Variants in UBE3D observed in about 807,000 individuals in gnomAD.
The protein encoded by UBE3D is E3 ubiquitin-protein ligase E3D.
A neutral mutation model predicts 49.6 loss-of-function variants in UBE3D; 48 were observed. The observed-to-expected ratio is 0.97, with a 90% CI of 0.77 to 1.23. The LOEUF (loss-of-function observed/expected upper bound fraction) is 1.23. Among genes scored for constraint, UBE3D ranks in the 50% most tolerant of loss-of-function variants. UBE3D has a pLI of 0.00. For missense variants in UBE3D, 452 were observed against 468.4 expected (o/e 0.96, Z 0.32); for synonymous variants, 189 against 174.2 (o/e 1.08, Z -0.67).
intron 3 of UBE3D, among the ~76,000 whole-genome samples, chr6:83,050,246 T>TAAA: frequency 6.8e-6 from 1 of 146,596 alleles, no homozygotes; most frequent in Non-Finnish European, 1.5e-5. Context: ...CTTTTTTATT[T>TAAA]AAAAAAAAAA....
chr6:82,931,324 A>G (rs911885624), intron 9 of UBE3D, among the ~76,000 whole-genome samples: 1 of 152,210 alleles, frequency 6.6e-6, no homozygotes, highest in Non-Finnish European at 1.5e-5. Flanking sequence ...GTGGGGTCGG[A>G]GCCCCGACCC....
intron 8 of UBE3D, among the ~76,000 whole-genome samples, chr6:82,958,980 T>C (rs193153246): frequency 6.6e-6 from 1 of 152,098 alleles, no homozygotes; most frequent in East Asian, 1.9e-4. Context: ...GGTGTGGGCG[T>C]CTGTAAAACA....
At chr6:82,967,761 C>A (rs1259436301) in intron 8 of UBE3D, among the ~76,000 whole-genome samples, 2 of 151,798 alleles carry the variant, frequency 1.3e-5, no homozygotes, top group African/African-American at 4.8e-5. Flanking sequence ...CCCACCTTAA[C>A]CTCCTGAGAA....
chr6:83,048,293 T>C (rs931273396), intron 3 of UBE3D, among the ~76,000 whole-genome samples: 4 of 151,694 alleles, frequency 2.6e-5, no homozygotes, highest in East Asian at 1.9e-4. Flanking sequence ...GTAGGAAGCA[T>C]TACAGAATTT....
At chr6:83,060,479 T>C (rs756129770) in intron 1 of UBE3D, among the ~76,000 whole-genome samples, 4 of 152,230 alleles carry the variant, frequency 2.6e-5, no homozygotes, top group Admixed American at 6.5e-5. Flanking sequence ...AATGCATGTA[T>C]GTACATAGGT....
Position 82,900,387 on chromosome 6 carries a change from C to T in UBE3D, c.1150-7345G>A, listed in dbSNP as rs368078421. 3.3e-5 allele frequency among the ~76,000 whole-genome samples: 5 copies of T among 152,240 alleles called. No homozygotes were observed. The East Asian group carries it at 9.6e-4, about 29-fold the overall frequency. On this transcript the variant is annotated intron_variant, in intron 9 of 9. Coordinates refer to ENST00000369747, the MANE Select transcript of UBE3D (RefSeq NM_198920.3). ...GGCTGGTGAAGAAATGGTATGCTTA[C>T]AATATCAGTACAACTGGAAATCCTA... is the stretch of plus-strand genomic sequence containing the variant.
chr6:82,972,591 T>C (rs1386557903), intron 8 of UBE3D, among the ~76,000 whole-genome samples: 1 of 152,302 alleles, frequency 6.6e-6, no homozygotes, highest in East Asian at 1.9e-4. Context: ...AATAATCATA[T>C]AAAAATATAA....
chr6:83,047,525 A>C (rs891270947), intron 3 of UBE3D, among the ~76,000 whole-genome samples: 2 of 151,704 alleles, frequency 1.3e-5, no homozygotes, highest in Admixed American at 1.3e-4. Context: ...GGGAGACAAC[A>C]GTCCCCAGAA....
chr6:83,063,412 TAAAAAAAAAAAAAA>T (rs201669450), intron 1 of UBE3D, among the ~76,000 whole-genome samples: 5 of 45,496 alleles, frequency 1.1e-4, no homozygotes, highest in Admixed American at 2.6e-4. Context: ...AGACGCTGTC[TAAAAAAAAAAAAAA>T]AAAAAAAAAA....
chr6:83,016,619 A>G (rs1780716210), intron 8 of UBE3D, among the ~76,000 whole-genome samples: 2 of 151,694 alleles, frequency 1.3e-5, no homozygotes, highest in African/African-American at 2.4e-5. Flanking sequence ...ATATATATGT[A>G]AATCTTTATA....
At chr6:82,929,261 T>G (rs901021319) in intron 9 of UBE3D, among the ~76,000 whole-genome samples, 1 of 152,080 alleles carries the variant, frequency 6.6e-6, no homozygotes, top group Non-Finnish European at 1.5e-5. Flanking sequence ...CTGATGGAGA[T>G]CAACACTGAC....
At chr6:83,041,183 G>C (rs1782646035) in intron 4 of UBE3D, among the ~76,000 whole-genome samples, 1 of 152,170 alleles carries the variant, frequency 6.6e-6, no homozygotes, top group African/African-American at 2.4e-5. Context: ...ATTTGAAGCA[G>C]AAAATTTTTT....
chr6:82,904,565 C>T (rs1281675919), intron 9 of UBE3D, among the ~76,000 whole-genome samples: 1 of 152,194 alleles, frequency 6.6e-6, no homozygotes, highest in Non-Finnish European at 1.5e-5. Context: ...ACATAAATGG[C>T]CTGGCAGGCC....
At chr6:82,961,125 G>C (rs1776518627) in intron 8 of UBE3D, among the ~76,000 whole-genome samples, 1 of 152,134 alleles carries the variant, frequency 6.6e-6, no homozygotes, top group South Asian at 2.1e-4. Context: ...TACCACGGTA[G>C]AAAGCATCTC....
intron 9 of UBE3D, among the ~76,000 whole-genome samples, chr6:82,940,859 A>G (rs1414634133): frequency 6.6e-6 from 1 of 152,116 alleles, no homozygotes; most frequent in East Asian, 1.9e-4. Context: ...GCCCAATTTT[A>G]TATTAATATA....
At chr6:83,020,345 T>TG (rs1781001230) in intron 7 of UBE3D, among the ~76,000 whole-genome samples, 1 of 140,520 alleles carries the variant, frequency 7.1e-6, no homozygotes, top group Non-Finnish European at 1.5e-5. Flanking sequence ...GATACTGTTT[T>TG]TTTTTTTTTT....
intron 9 of UBE3D, among the ~76,000 whole-genome samples, chr6:82,943,852 C>T (rs1188179103): frequency 6.6e-6 from 1 of 152,086 alleles, no homozygotes; most frequent in African/African-American, 2.4e-5. Context: ...TCACATTAAA[C>T]TCAGTGCTTC....
At chr6:82,980,448 A>G (rs1778036024) in intron 8 of UBE3D, among the ~76,000 whole-genome samples, 1 of 151,714 alleles carries the variant, frequency 6.6e-6, no homozygotes, top group African/African-American at 2.4e-5. Context: ...TTTTTGTTGC[A>G]TTGAGTTTCT....
chr6:82,922,403 ATTGAAACC>A (rs1773414464), intron 9 of UBE3D, among the ~76,000 whole-genome samples: 2 of 152,198 alleles, frequency 1.3e-5, no homozygotes, highest in Non-Finnish European at 2.9e-5. Context: ...TTATGGGGCT[ATTGAAACC>A]TTGATATTAA....
Sources: allele counts gnomAD v4.1 joint callset (sites outside exome capture counted in the v4.1 genomes callset), GRCh38; gene constraint gnomAD v4.1.1; transcripts MANE v1.5; gene names NCBI Gene and HGNC (gene_info 2026-07-23, HGNC 2026-07-21).